The following DDX17 variants were observed in gnomAD, a reference collection of about 807,000 sequenced individuals.
The protein encoded by DDX17 is probable ATP-dependent RNA helicase DDX17.
A neutral mutation model predicts 80.8 loss-of-function variants in DDX17; 10 were observed. The observed-to-expected ratio is 0.12, with a 90% confidence interval of 0.08 to 0.21. DDX17 has a LOEUF of 0.21. DDX17 is among the 10% of genes least tolerant of loss of function. The pLI is 1.00. For missense variants in DDX17, 586 were observed against 957.4 expected (o/e 0.61, Z 5.12); for synonymous variants, 339 against 336.2 (o/e 1.01, Z -0.09).
intron 10 of DDX17, 44 bp from the exon 11 acceptor site, chr22:38,492,159 C>G (rs372928514): frequency 6.6e-7 from 1 of 1,512,314 alleles, no homozygotes; most frequent in Non-Finnish European, 9.1e-7. Context: ...GCATTCCTTG[C>G]TATCTGATCT....
At chr22:38,502,938 A>C (rs1254669870) in intron 1 of DDX17, among the ~76,000 whole-genome samples, 1 of 152,208 alleles carries the variant, frequency 6.6e-6, no homozygotes, top group Non-Finnish European at 1.5e-5. Flanking sequence ...CTGCAATTCA[A>C]AGCCATTAGA....
chr22:38,484,087 A>C lies in DDX17; in HGVS notation c.*1848T>G, dbSNP rs576283704. The C allele has an allele frequency of 7.1e-5, 10 of 140,254 alleles. No individual in the cohort carries two copies. The East Asian group carries it at 2.1e-3, about 29-fold the overall frequency. 8.7% of individuals were successfully genotyped at this position (140,254 alleles called of 1,614,324 possible). A position where few individuals can be genotyped will look rare whatever the true frequency, so the allele number is the denominator to read the frequency against. The stretch of plus-strand genomic sequence containing the variant: ...CTATGTTTAAAGAAAGAAGAAAAAA[A>C]CCCAGAATTTGGTTGTAGAAAACAA... On this transcript the variant is annotated 3_prime_UTR_variant, in exon 13 of 13. Coordinates refer to ENST00000403230, the MANE Select transcript of DDX17 (RefSeq NM_006386.5).
Position 38,484,895 on chromosome 22 carries a change from CTT to C in DDX17, c.*1038_*1039del, listed in dbSNP as rs1215377965. On this transcript the variant is annotated 3_prime_UTR_variant, in exon 13 of 13. Coordinates refer to ENST00000403230, the MANE Select transcript of DDX17 (RefSeq NM_006386.5). ...GAGTTCTTAATAAACCCTTAAGATT[CTT>C]TGTTCAAGGTAACTTTGCCAAAAGG... 3 of 152,214 alleles carry C rather than the reference CTT, an allele frequency of 2.0e-5. No individual in the cohort carries two copies. The highest frequency in any genetic ancestry group is 6.5e-5 in the Admixed American group (1 of 15,288). 9.4% of individuals were successfully genotyped at this position (152,214 alleles called of 1,614,324 possible). A position where few individuals can be genotyped will look rare whatever the true frequency, so the allele number is the denominator to read the frequency against.
Position 38,499,542 on chromosome 22 carries a change from A to G in DDX17, c.439-43T>C, listed in dbSNP as rs376635382. On this transcript the variant is annotated intron_variant, in intron 2 of 12. Coordinates refer to ENST00000403230, the MANE Select transcript of DDX17 (RefSeq NM_006386.5). ...AAGAAGTTAGTAAACTAGTTATTCTAAACATTCAGAATTTATGTTCCAAGC... is the reference window on the plus strand; with the variant it reads ...AAGAAGTTAGTAAACTAGTTATTCTGAACATTCAGAATTTATGTTCCAAGC... The G allele has an allele frequency of 3.0e-5, 44 of 1,444,664 alleles. No individual in the cohort carries two copies. The African/African-American group carries it at 5.6e-4, about 18-fold the overall frequency. 89.5% of individuals were successfully genotyped at this position (1,444,664 alleles called of 1,614,324 possible). A position where few individuals can be genotyped will look rare whatever the true frequency, so the allele number is the denominator to read the frequency against.
chr22:38,485,804 T>TG lies in DDX17; in HGVS notation c.*130dup, dbSNP rs1272904329. On this transcript the variant is annotated 3_prime_UTR_variant, in exon 13 of 13. Transcript: ENST00000403230. The stretch of plus-strand genomic sequence containing the variant: ...GCATGAAAAGACAAATCACGATGGT[T>TG]GGGGGGAAAAATTAAAAAAAAAAAA... 44 of 1,244,604 alleles carry TG rather than the reference T, an allele frequency of 3.5e-5. No homozygotes were observed. Among genetic ancestry groups the TG allele is most frequent in the Admixed American group, 9.4e-5 (2 of 21,330 alleles). The allele number at this position is 1,244,604 out of a possible 1,614,324, so 77.1% of individuals were successfully genotyped here.
chr22:38,495,755 G>A (rs750149015), intron 6 of DDX17, 41 bp downstream of exon 6: 31 of 1,426,456 alleles, frequency 2.2e-5, no homozygotes, highest in Middle Eastern at 3.8e-4. Flanking sequence ...AATTGGTAAA[G>A]TAAGATAAAC....
intron 1 of DDX17, among the ~76,000 whole-genome samples, chr22:38,504,719 G>A (rs991996958): frequency 6.6e-6 from 1 of 152,158 alleles, no homozygotes; most frequent in Non-Finnish European, 1.5e-5. Context: ...AGACAAAAAC[G>A]TTTGGAGAAA....
intron 6 of DDX17, among the ~76,000 whole-genome samples, chr22:38,495,522 G>C (rs1167314757): frequency 6.6e-6 from 1 of 152,156 alleles, no homozygotes; most frequent in African/African-American, 2.4e-5. Flanking sequence ...TGGGATTACA[G>C]GCATGAGCCA....
At chr22:38,504,285 T>C (rs1022539342) in intron 1 of DDX17, among the ~76,000 whole-genome samples, 33 of 152,224 alleles carry the variant, frequency 2.2e-4, no homozygotes, top group Admixed American at 2.2e-3. Context: ...TTCTTTTCTC[T>C]TTTTCACGGC....
Position 38,483,978 on chromosome 22 carries a change from C to T in DDX17, c.*1957G>A, listed in dbSNP as rs1277598199. On this transcript the variant is annotated 3_prime_UTR_variant, in exon 13 of 13. Coordinates refer to ENST00000403230, the MANE Select transcript of DDX17 (RefSeq NM_006386.5). ...AAAGGGAAGCAAGCAATCCAAATAA[C>T]CACTTGCTTGCCCAGAGACCTTTCC... is the stretch of plus-strand genomic sequence containing the variant. The T allele has an allele frequency of 1.3e-5, 2 of 152,520 alleles. No individual in the cohort carries two copies. Among genetic ancestry groups the T allele is most frequent in the Non-Finnish European group, 2.9e-5 (2 of 68,042 alleles). The allele number at this position is 152,520 out of a possible 1,614,324, so 9.4% of individuals were successfully genotyped here.
intron 1 of DDX17, 87 bp downstream of exon 1, chr22:38,505,864 C>T (rs1484267623): frequency 1.3e-5 from 19 of 1,469,214 alleles, no homozygotes; most frequent in Admixed American, 8.8e-5. Flanking sequence ...GAGAGCAAGG[C>T]TCCCAGGCTC....
At chr22:38,498,397 T>C (rs779943386) in intron 4 of DDX17, 43 bp downstream of exon 4, 1 of 1,609,606 alleles carries the variant, frequency 6.2e-7, no homozygotes, top group Admixed American at 1.7e-5. Context: ...AATAGCAAAA[T>C]AAGTTACCAC....
intron 2 of DDX17, 151 bp downstream of exon 2, chr22:38,500,979 A>AAG: frequency 9.1e-7 from 1 of 1,104,736 alleles, no homozygotes; most frequent in Non-Finnish European, 1.2e-6. Context: ...AAAAGGAAAA[A>AAG]AAAAAAAAAA....
chr22:38,489,723 A>C lies in DDX17; in HGVS notation c.1448-1608T>G, dbSNP rs1265849905. ...CTCCTCGGTCTTTACTGACCCCTAA[A>C]GTCCTGAATCACACCAGAAAGACGA... is the stretch of plus-strand genomic sequence containing the variant. On this transcript the variant is annotated intron_variant, in intron 11 of 12. Coordinates refer to ENST00000403230, the MANE Select transcript of DDX17 (RefSeq NM_006386.5). The surrounding 1 kb of genome is among the most constrained non-coding windows in gnomAD (Gnocchi z 4.6). 2 of 985,240 alleles carry C rather than the reference A, an allele frequency of 2.0e-6. No homozygotes were observed. The highest frequency in any genetic ancestry group is 6.2e-5 in the Admixed American group (1 of 16,260). The allele number at this position is 985,240 out of a possible 1,614,324, so 61.0% of individuals were successfully genotyped here. A position where few individuals can be genotyped will look rare whatever the true frequency, so the allele number is the denominator to read the frequency against.
At position 38,499,346 on chromosome 22, in the gene DDX17, T is replaced by C. The variant is rs2089803260; in HGVS notation, c.538+54A>G. 6 of 1,364,400 alleles carry C rather than the reference T, an allele frequency of 4.4e-6. No homozygotes were observed. The East Asian group carries it at 1.4e-4, about 31-fold the overall frequency. The allele number at this position is 1,364,400 out of a possible 1,614,324, so 84.5% of individuals were successfully genotyped here. A position where few individuals can be genotyped will look rare whatever the true frequency, so the allele number is the denominator to read the frequency against. ...CAAAGAGTTTAACCTACTACCCTTGTCTCCCATTCAACCCAATTTAACAAA... is the reference window on the plus strand; with the variant it reads ...CAAAGAGTTTAACCTACTACCCTTGCCTCCCATTCAACCCAATTTAACAAA... On this transcript the variant is annotated intron_variant, in intron 3 of 12. Coordinates refer to ENST00000403230, the MANE Select transcript of DDX17 (RefSeq NM_006386.5).
chr22:38,496,310 A>G (rs1262495376), intron 5 of DDX17, among the ~76,000 whole-genome samples: 1 of 152,204 alleles, frequency 6.6e-6, no homozygotes, highest in African/African-American at 2.4e-5. Context: ...TGCTCCAGCA[A>G]GCATTTACTT....
At chr22:38,504,105 CTA>C (rs1259527485) in intron 1 of DDX17, among the ~76,000 whole-genome samples, 1 of 152,204 alleles carries the variant, frequency 6.6e-6, no homozygotes, top group East Asian at 1.9e-4. Flanking sequence ...TGTAGCCCCT[CTA>C]TGTGCCTATT....
At chr22:38,503,813 T>C (rs1221677139) in intron 1 of DDX17, among the ~76,000 whole-genome samples, 1 of 152,242 alleles carries the variant, frequency 6.6e-6, no homozygotes, top group African/African-American at 2.4e-5. Flanking sequence ...CCTCACCTAT[T>C]CCTTTTTCAA....
chr22:38,494,195 C>T, intron 8 of DDX17, 64 bp from the exon 9 acceptor site: 2 of 1,092,290 alleles, frequency 1.8e-6, no homozygotes, highest in East Asian at 2.4e-5. Context: ...ATTATGTCTG[C>T]AATATCAACT....
Sources: allele counts gnomAD v4.1 joint callset (sites outside exome capture counted in the v4.1 genomes callset), GRCh38; gene constraint gnomAD v4.1.1; non-coding constraint Gnocchi (gnomAD v3.1); transcripts MANE v1.5; gene names NCBI Gene and HGNC (gene_info 2026-07-23, HGNC 2026-07-21).